The following FARS2 variants were observed in gnomAD, a reference collection of about 807,000 sequenced individuals.
FARS2 encodes the protein phenylalanine--tRNA ligase, mitochondrial.
In FARS2, 40 loss-of-function variants were observed where a neutral mutation model predicts 46.4. That is an observed-to-expected ratio of 0.86 (90% CI 0.67 to 1.12). The LOEUF is 1.12. FARS2 is among the 50% of genes most tolerant of loss of function. The probability of loss-of-function intolerance (pLI) is 0.00; values close to 1 mark genes in which losing one functional copy is unlikely to be tolerated. For missense variants in FARS2, 513 were observed against 567.9 expected (o/e 0.90, Z 0.98); for synonymous variants, 234 against 214.9 (o/e 1.09, Z -0.78).
chr6:5,414,017 C>G (rs1364557), intron 3 of FARS2, among the ~76,000 whole-genome samples: 2 of 151,906 alleles, frequency 1.3e-5, no homozygotes, highest in Admixed American at 1.3e-4. Context: ...TAAATGATGT[C>G]ATCTCACAAT....
chr6:5,595,074 G>A (rs1379024877), intron 5 of FARS2, among the ~76,000 whole-genome samples: 1 of 152,174 alleles, frequency 6.6e-6, no homozygotes, highest in Non-Finnish European at 1.5e-5. Context: ...CAGGAAGGGG[G>A]TTTGGAGCTG....
chr6:5,633,900 A>G (rs572401957), intron 6 of FARS2, among the ~76,000 whole-genome samples: 104 of 152,300 alleles, frequency 6.8e-4, no homozygotes, highest in African/African-American at 2.3e-3. Context: ...TATACCCAAA[A>G]TACTAGTCCA....
chr6:5,470,980 A>G (rs1388149925), intron 4 of FARS2, among the ~76,000 whole-genome samples: 2 of 152,236 alleles, frequency 1.3e-5, no homozygotes, highest in East Asian at 3.8e-4. Context: ...TTCTATTTAT[A>G]ACAGCCAGTC....
chr6:5,290,205 A>G (rs1034667429), intron 1 of FARS2, among the ~76,000 whole-genome samples: 29 of 152,228 alleles, frequency 1.9e-4, no homozygotes, highest in African/African-American at 6.5e-4. Flanking sequence ...ACCCCCATTT[A>G]TCTGTTTTGT....
At chr6:5,582,291 A>G (rs1375889929) in intron 5 of FARS2, among the ~76,000 whole-genome samples, 1 of 151,442 alleles carries the variant, frequency 6.6e-6, no homozygotes, top group Non-Finnish European at 1.5e-5. Flanking sequence ...TTAATTCCTG[A>G]TGCGCTTCTA....
At chr6:5,744,017 C>G (rs975967842) in intron 6 of FARS2, among the ~76,000 whole-genome samples, 2 of 152,218 alleles carry the variant, frequency 1.3e-5, no homozygotes, top group South Asian at 4.1e-4. Context: ...CTCACCAGGT[C>G]TAAGCCAGTC....
intron 2 of FARS2, among the ~76,000 whole-genome samples, chr6:5,381,591 T>C (rs1436737051): frequency 6.6e-6 from 1 of 152,224 alleles, no homozygotes; most frequent in Non-Finnish European, 1.5e-5. Context: ...AAATCTGTTC[T>C]GGATTCTTTC....
chr6:5,288,358 AG>A (rs111351755), intron 1 of FARS2, among the ~76,000 whole-genome samples: 4,064 of 152,276 alleles, frequency 0.027, 134 homozygotes, highest in African/African-American at 0.076. Context: ...ACATTACATA[AG>A]CATTGAGCCT....
chr6:5,531,861 G>C (rs1257322397), intron 4 of FARS2, among the ~76,000 whole-genome samples: 1 of 152,150 alleles, frequency 6.6e-6, no homozygotes, highest in Non-Finnish European at 1.5e-5. Context: ...GACCTTTCTA[G>C]GCCTGCTTCT....
intron 4 of FARS2, among the ~76,000 whole-genome samples, chr6:5,544,752 G>T (rs1770857053): frequency 6.6e-6 from 1 of 152,154 alleles, no homozygotes; most frequent in Non-Finnish European, 1.5e-5. Flanking sequence ...ACATGTTATG[G>T]CCACTATGGC....
rs73718335 is a variant in FARS2 at position 5,642,115 on chromosome 6, T to C, written c.1217+28795T>C. Among the ~76,000 whole-genome samples the C allele has an allele frequency of 8.7e-3, 1,326 of 152,342 alleles. 12 individuals carry two copies. Among genetic ancestry groups the C allele is most frequent in the Middle Eastern group, 0.041 (12 of 294 alleles). Reference sequence around the variant, plus strand: ...TACTACATAGGTGCATACATACATATATGTATGTGTATATTTGTGTGTGTC... The same window carrying C: ...TACTACATAGGTGCATACATACATACATGTATGTGTATATTTGTGTGTGTC... On this transcript the variant is annotated intron_variant, in intron 6 of 6. Transcript: ENST00000274680.
chr6:5,511,521 C>T (rs1486304627), intron 4 of FARS2, among the ~76,000 whole-genome samples: 1 of 152,124 alleles, frequency 6.6e-6, no homozygotes, highest in Non-Finnish European at 1.5e-5. Context: ...AGAAATAATA[C>T]CCTGCGCACA....
intron 5 of FARS2, among the ~76,000 whole-genome samples, chr6:5,583,653 A>G (rs1384744530): frequency 1.3e-5 from 2 of 152,220 alleles, no homozygotes; most frequent in African/African-American, 2.4e-5. Flanking sequence ...TTAAAAACCT[A>G]TTACATAGAT....
At position 5,613,213 on chromosome 6, in the gene FARS2, G is replaced by A. The variant is rs1341083602; in HGVS notation, c.1110G>A (p.Trp370Ter). ...CTGTGATCAATGATATTTCATTCTG[G>A]TTGCCCTCTGAGAATTACGCAGAAA... The part of the protein sequence containing the change: ...YPAVINDISF[W>*]LPSENYAEND... The change falls in exon 6 of 7, where the codon TGG (tryptophan) becomes TGA (stop). Residue 370 changes from tryptophan to a stop codon, truncating the protein, a stop_gained. Coordinates refer to ENST00000274680, the MANE Select transcript of FARS2 (RefSeq NM_006567.5). LOFTEE classifies it high-confidence loss of function. The A allele has an allele frequency of 6.2e-7, 1 of 1,613,018 alleles. No individual in the cohort carries two copies. Among genetic ancestry groups the A allele is most frequent in the Non-Finnish European group, 8.5e-7 (1 of 1,179,492 alleles).
intron 6 of FARS2, among the ~76,000 whole-genome samples, chr6:5,723,304 G>A (rs1440859705): frequency 6.6e-6 from 1 of 152,158 alleles, no homozygotes; most frequent in Non-Finnish European, 1.5e-5. Context: ...TTATTTACAT[G>A]CCGTTTGATT....
intron 1 of FARS2, among the ~76,000 whole-genome samples, chr6:5,281,887 G>C (rs1436995448): frequency 6.6e-6 from 1 of 152,108 alleles, no homozygotes; most frequent in East Asian, 1.9e-4. Context: ...TGTTCACCCG[G>C]AGTCAGATCA....
At chr6:5,645,992 G>A (rs1777056273) in intron 6 of FARS2, among the ~76,000 whole-genome samples, 1 of 152,172 alleles carries the variant, frequency 6.6e-6, no homozygotes, top group African/African-American at 2.4e-5. Context: ...AATGATGCCA[G>A]GAAGCCATCC....
At chr6:5,305,600 C>A (rs7766227) in intron 1 of FARS2, among the ~76,000 whole-genome samples, 30,514 of 152,150 alleles carry the variant, frequency 0.2, 3,742 homozygotes, top group African/African-American at 0.35. Flanking sequence ...ATAGAGGAAT[C>A]AATTCAGACA....
intron 6 of FARS2, among the ~76,000 whole-genome samples, chr6:5,723,808 G>C (rs1401187971): frequency 6.6e-6 from 1 of 152,222 alleles, no homozygotes; most frequent in Non-Finnish European, 1.5e-5. Context: ...AAATTGGGAG[G>C]CTCCTTGCTT....
Sources: allele counts gnomAD v4.1 joint callset (sites outside exome capture counted in the v4.1 genomes callset), GRCh38; gene constraint gnomAD v4.1.1; transcripts MANE v1.5; gene names NCBI Gene and HGNC (gene_info 2026-07-23, HGNC 2026-07-21).